The following ZFP82 variants were observed in gnomAD, a reference collection of about 807,000 sequenced individuals.
The protein encoded by ZFP82 is zinc finger protein 82 homolog.
Under a neutral mutation model 54.0 loss-of-function variants are expected in ZFP82, and 30 were observed. The observed-to-expected ratio is 0.56, with a 90% CI of 0.42 to 0.75. The LOEUF (loss-of-function observed/expected upper bound fraction) is 0.75. Among genes scored for constraint, ZFP82 ranks in the 30% least tolerant of loss-of-function variants. The probability of loss-of-function intolerance (pLI) is 0.00; values close to 1 mark genes in which losing one functional copy is unlikely to be tolerated. For missense variants in ZFP82, 500 were observed against 636.8 expected (o/e 0.79, Z 2.31); for synonymous variants, 194 against 209.5 (o/e 0.93, Z 0.64).
At position 36,398,451 on chromosome 19, in the gene ZFP82, C is replaced by T. The variant is rs552581770; in HGVS notation, c.230-4341G>A. Reference sequence around the variant, plus strand: ...ACTTGGGAGGCTGAGGTAGAAGAATCGCTTGAACCCAGGAGGCAGAGGTTG... The same window carrying T: ...ACTTGGGAGGCTGAGGTAGAAGAATTGCTTGAACCCAGGAGGCAGAGGTTG... On this transcript the variant is annotated intron_variant, in intron 4 of 4. Coordinates refer to ENST00000392161, the MANE Select transcript of ZFP82 (RefSeq NM_133466.4). Among the ~76,000 whole-genome samples the T allele has an allele frequency of 5.9e-5, 9 of 151,654 alleles. No individual in the cohort carries two copies. In the South Asian group the frequency reaches 1.5e-3, roughly 25 times the overall value.
intron 1 of ZFP82, among the ~76,000 whole-genome samples, chr19:36,410,188 C>T (rs2032553812): frequency 6.6e-6 from 1 of 152,140 alleles, no homozygotes; most frequent in Admixed American, 6.5e-5. Context: ...GCAGCCATTA[C>T]CACCACAAAA....
rs2032193961 is a variant in ZFP82, at chr19:36,391,225, T to C, written c.*1516A>G. On this transcript the variant is annotated 3_prime_UTR_variant, in exon 5 of 5. Coordinates refer to ENST00000392161, the MANE Select transcript of ZFP82 (RefSeq NM_133466.4). ...ATGCTCTAGTATGCTCCATAACTAA[T>C]CAATGCATTTGGTTCAGGAAAAAAA... is the stretch of plus-strand genomic sequence containing the variant. The C allele has an allele frequency of 6.6e-6, 1 of 151,884 alleles. No homozygotes were observed. The allele number at this position is 151,884 out of a possible 1,614,324, so 9.4% of individuals were successfully genotyped here.
At chr19:36,415,789 T>G (rs1044744904) in intron 1 of ZFP82, among the ~76,000 whole-genome samples, 43 of 152,210 alleles carry the variant, frequency 2.8e-4, no homozygotes, top group Admixed American at 9.2e-4. Context: ...GTGACATGAG[T>G]GGGTTTTGGG....
intron 4 of ZFP82, among the ~76,000 whole-genome samples, chr19:36,396,580 T>G (rs1600100044): frequency 6.6e-6 from 1 of 151,924 alleles, no homozygotes; most frequent in South Asian, 2.1e-4. Context: ...GGCGTGAACC[T>G]GGGAGGCGGA....
Position 36,416,756 on chromosome 19 carries a change from CAAAAAAAAAAA to C in ZFP82, c.-79+1725_-79+1735del, listed in dbSNP as rs1165706150. 4.4e-5 allele frequency among the ~76,000 whole-genome samples: 3 copies of C among 68,876 alleles called. No homozygotes were observed. In the South Asian group the frequency reaches 1.4e-3, roughly 32 times the overall value. The allele number at this position is 68,876 out of a possible 152,430, so 45.2% of individuals were successfully genotyped here. On this transcript the variant is annotated intron_variant, in intron 1 of 4. Transcript: ENST00000392161. ...GGGAAATAAGAGCGAAACTCCGTCT[CAAAAAAAAAAA>C]AAAAAAAAAGAATTCCTGTTCTAGG...
At chr19:36,386,497 C>G (rs2032116267), downstream of ZFP82, among the ~76,000 whole-genome samples, 1 of 152,220 alleles carries the variant, frequency 6.6e-6, no homozygotes, top group Non-Finnish European at 1.5e-5. Flanking sequence ...TGAAGACCTA[C>G]CAGTGTAAAA....
In ZFP82 at chr19:36,394,127, A is replaced by C; in HGVS notation, c.230-17T>G. On this transcript the variant is annotated splice_polypyrimidine_tract_variant and intron_variant, in intron 4 of 4. Transcript: ENST00000392161. ...TCTCCAAATCTAAAATAAAACAAGA[A>C]AGCAAACACATGCTGTTTTCTTTTA... 1 of 1,585,868 alleles carries C rather than the reference A, an allele frequency of 6.3e-7. No individual in the cohort carries two copies.
intron 1 of ZFP82, 126 bp from the exon 2 acceptor site, chr19:36,409,993 GCA>G (rs2032550310): frequency 3.6e-6 from 2 of 557,064 alleles, no homozygotes; most frequent in South Asian, 2.2e-5. Flanking sequence ...ACACACGCGC[GCA>G]CACACACATA....
chr19:36,394,005 A>C lies in ZFP82; in HGVS notation c.335T>G (p.Leu112Arg), dbSNP rs780655678. The C allele has an allele frequency of 7.5e-5, 121 of 1,611,940 alleles. No homozygotes were observed. Among genetic ancestry groups the C allele is most frequent in the Non-Finnish European group, 9.7e-5 (114 of 1,179,582 alleles). Reference protein sequence around the residue: ...KIMERIENHGLKGLILKNDWE... With the variant: ...KIMERIENHGRKGLILKNDWE... ...ATCATTTTTTAAAATGAGACCCTTA[A>C]GGCCATGGTTTTCAATTCTTTCCAT... Residue 112 changes from leucine to arginine, a missense_variant, in exon 5 of 5, where the codon CTT becomes CGT. Transcript: ENST00000392161.
At chr19:36,415,366 T>C (rs1295194568) in intron 1 of ZFP82, among the ~76,000 whole-genome samples, 2 of 151,996 alleles carry the variant, frequency 1.3e-5, no homozygotes, top group Non-Finnish European at 2.9e-5. Context: ...TAGTACTAAA[T>C]ATAGTTGGCA....
chr19:36,415,495 C>T (rs533923602), intron 1 of ZFP82, among the ~76,000 whole-genome samples: 13 of 152,060 alleles, frequency 8.5e-5, no homozygotes, highest in Non-Finnish European at 1.6e-4. Flanking sequence ...TCAAGCAATT[C>T]TTCTGCCTCA....
rs2032206844 is a variant in ZFP82, at chr19:36,391,973, C to T, written c.*768G>A. ...AAGAAAGTTTAGTGGCTTAAAACAACAACCATTTTATTATATCTCATGTTT... is the reference window on the plus strand; with the variant it reads ...AAGAAAGTTTAGTGGCTTAAAACAATAACCATTTTATTATATCTCATGTTT... On this transcript the variant is annotated 3_prime_UTR_variant, in exon 5 of 5. Coordinates refer to ENST00000392161, the MANE Select transcript of ZFP82 (RefSeq NM_133466.4). 6.6e-6 allele frequency: 1 copy of T among 150,992 alleles called. No individual in the cohort carries two copies. Among genetic ancestry groups the T allele is most frequent in the Admixed American group, 6.6e-5 (1 of 15,048 alleles). The allele number at this position is 150,992 out of a possible 1,614,324, so 9.4% of individuals were successfully genotyped here. A position where few individuals can be genotyped will look rare whatever the true frequency, so the allele number is the denominator to read the frequency against.
intron 4 of ZFP82, among the ~76,000 whole-genome samples, chr19:36,396,430 G>A (rs998062651): frequency 6.6e-6 from 1 of 151,942 alleles, no homozygotes; most frequent in Non-Finnish European, 1.5e-5. Flanking sequence ...GGTGGATCAC[G>A]AGGTCAGGAG....
intron 4 of ZFP82, among the ~76,000 whole-genome samples, chr19:36,405,181 T>C (rs754174706): frequency 1.1e-5 from 1 of 90,396 alleles, no homozygotes; most frequent in Non-Finnish European, 2.0e-5. Flanking sequence ...CGAAACTGCA[T>C]CTCAGAAAAA....
chr19:36,401,559 A>C (rs1217945054), intron 4 of ZFP82, among the ~76,000 whole-genome samples: 2 of 152,200 alleles, frequency 1.3e-5, no homozygotes, highest in Non-Finnish European at 2.9e-5. Context: ...ACAGCTTCTT[A>C]CTACTTCCTA....
At chr19:36,397,199 C>T (rs1472141800) in intron 4 of ZFP82, among the ~76,000 whole-genome samples, 3 of 150,880 alleles carry the variant, frequency 2.0e-5, no homozygotes, top group South Asian at 2.1e-4. Context: ...TTCAAGCAAT[C>T]CTCCTGCCTC....
chr19:36,411,303 CTT>C (rs967041426), intron 1 of ZFP82, among the ~76,000 whole-genome samples: 2 of 152,056 alleles, frequency 1.3e-5, no homozygotes, highest in Admixed American at 1.3e-4. Flanking sequence ...AACTCTAGCT[CTT>C]GTTTCTGAAA....
intron 1 of ZFP82, among the ~76,000 whole-genome samples, chr19:36,410,184 A>G (rs2032553708): frequency 1.3e-5 from 2 of 152,182 alleles, no homozygotes; most frequent in African/African-American, 2.4e-5. Flanking sequence ...CCTGGCAGCC[A>G]TTACCACCAC....
rs981169223 is a variant in ZFP82 at position 36,390,145 on chromosome 19, C to T, written c.*2596G>A. Among the ~76,000 whole-genome samples, 3 of 152,060 alleles carry T rather than the reference C, an allele frequency of 2.0e-5. No homozygotes were observed. Among genetic ancestry groups the T allele is most frequent in the East Asian group, 1.9e-4 (1 of 5,192 alleles). ...ACCCTGCATGCCATGCCATGCCTCCCGTTTGTGGGATCTGCGTATAAACTT... is the reference window on the plus strand; with the variant it reads ...ACCCTGCATGCCATGCCATGCCTCCTGTTTGTGGGATCTGCGTATAAACTT... On this transcript the variant is annotated 3_prime_UTR_variant, in exon 5 of 5. Transcript: ENST00000392161.
Sources: gnomAD v4.1 joint callset for allele counts (sites outside exome capture counted in the v4.1 genomes callset) on GRCh38, gnomAD v4.1.1 for gene constraint, MANE v1.5 for transcripts, NCBI Gene and HGNC (gene_info 2026-07-23, HGNC 2026-07-21) for gene names.